SLC25A39: variants seen among roughly 807,000 people sequenced by gnomAD.
SLC25A39 encodes the protein solute carrier family 25 member 39.
A neutral mutation model predicts 46.6 loss-of-function variants in SLC25A39; 44 were observed. The observed-to-expected ratio is 0.94, with a 90% CI of 0.74 to 1.21. The LOEUF is 1.21. Among genes scored for constraint, SLC25A39 ranks in the 50% most tolerant of loss-of-function variants. SLC25A39 has a pLI of 0.00. For missense variants in SLC25A39, 487 were observed against 473.0 expected (o/e 1.03, Z -0.28); for synonymous variants, 218 against 190.6 (o/e 1.14, Z -1.19).
chr17:44,322,047 G>A (rs538351378), intron 5 of SLC25A39, among the ~76,000 whole-genome samples: 2 of 152,292 alleles, frequency 1.3e-5, no homozygotes, highest in East Asian at 1.9e-4. Flanking sequence ...GCAGGAGTTC[G>A]AGACCAGCCT....
Position 44,322,539 on chromosome 17 carries a change from G to C in SLC25A39, c.204C>G (p.Leu68=), listed in dbSNP as rs774243713. ...ACAGGAGGCACTTCCCTGTGGATTG[G>C]AGAGAGGAGGGCACTGGGGAAAGGC... The part of the protein sequence containing the change: ...SLSYTKLPSS[L]QSTGKCLLYC... The change falls in exon 5 of 12, where the codon CTC becomes CTG. Residue 68 remains leucine (L), a synonymous_variant. Transcript: ENST00000377095. The C allele has an allele frequency of 3.1e-6, 5 of 1,614,136 alleles. No homozygotes were observed. In the South Asian group the frequency reaches 5.5e-5, roughly 18 times the overall value.
chr17:44,320,577 G>C (rs1330368936), intron 9 of SLC25A39, 45 bp downstream of exon 9: 2 of 1,588,210 alleles, frequency 1.3e-6, no homozygotes, highest in Admixed American at 3.3e-5. Flanking sequence ...CAGGCCCCCC[G>C]CAGGGAGACC....
Position 44,321,048 on chromosome 17 carries a change from G to T in SLC25A39, c.691+10C>A. 6.3e-7 allele frequency: 1 copy of T among 1,577,274 alleles called. No homozygotes were observed. On this transcript the variant is annotated intron_variant, in intron 8 of 11. Coordinates refer to ENST00000377095, the MANE Select transcript of SLC25A39 (RefSeq NM_001143780.3). ...TTCCCTCACCCACCCCCTGCAGCTT[G>T]GGTGCCTACCTGAGAAGGGCACATC...
chr17:44,323,444 C>CAA, intron 2 of SLC25A39, 34 bp downstream of exon 2: 49 of 1,246,076 alleles, frequency 3.9e-5, no homozygotes, highest in Non-Finnish European at 5.4e-5. Flanking sequence ...GCCCCATCCC[C>CAA]ACCCGCCCCC....
Position 44,319,958 on chromosome 17 carries a change from C to A in SLC25A39, c.*43G>T. 6.3e-7 allele frequency: 1 copy of A among 1,594,770 alleles called. No individual in the cohort carries two copies. The highest frequency in any genetic ancestry group is 8.6e-7 in the Non-Finnish European group (1 of 1,163,424). On this transcript the variant is annotated 3_prime_UTR_variant, in exon 12 of 12. Coordinates refer to ENST00000377095, the MANE Select transcript of SLC25A39 (RefSeq NM_001143780.3). ...TTGGCTGGGTCTCCTCCTGCCCTCT[C>A]CCCATCCGTGGGAGAGACGGGGTCC... is the stretch of plus-strand genomic sequence containing the variant.
chr17:44,321,741 G>T lies in SLC25A39; in HGVS notation c.351C>A (p.His117Gln). 6.2e-7 allele frequency: 1 copy of T among 1,612,546 alleles called. No homozygotes were observed. The highest frequency in any genetic ancestry group is 1.7e-5 in the Admixed American group (1 of 59,920). ...CGCTCCAGAGGGTCCTGGTGCCCTC[G>T]TGCCTCACGATCTTCACGAAGGCAT... ...TMDAFVKIVR[H>Q]EGTRTLWSGL... is the part of the protein sequence containing the mutation. Residue 117 changes from histidine to glutamine, a missense_variant, in exon 6 of 12, where the codon CAC becomes CAA. His to Gln is a conservative substitution (Grantham distance 24). Coordinates refer to ENST00000377095, the MANE Select transcript of SLC25A39 (RefSeq NM_001143780.3).
At position 44,321,126 on chromosome 17, in the gene SLC25A39, GC is replaced by G; in HGVS notation, c.622del (p.Ala208LeufsTer33). The G allele has an allele frequency of 6.2e-7, 1 of 1,612,934 alleles. No homozygotes were observed. Among genetic ancestry groups the G allele is most frequent in the East Asian group, 2.2e-5 (1 of 44,882 alleles). On this transcript the variant is annotated frameshift_variant, in exon 8 of 12. Coordinates refer to ENST00000377095, the MANE Select transcript of SLC25A39 (RefSeq NM_001143780.3). LOFTEE classifies it high-confidence loss of function. ...ELGACVRTAV[A>X]QGGWRSLWLG... The stretch of plus-strand genomic sequence containing the variant: ...CCACAGTGAGCGCCAGCCACCCTGA[GC>G]CACTGCAGTTCGAACACAGGCACCC...
intron 7 of SLC25A39, 75 bp from the exon 8 acceptor site, chr17:44,321,306 C>A (rs1194318073): frequency 3.2e-6 from 5 of 1,578,226 alleles, no homozygotes; most frequent in Non-Finnish European, 4.3e-6. Context: ...ACCTGCTGTC[C>A]CAGGTCTGGG....
rs371679927 is a variant in SLC25A39 at position 44,320,194 on chromosome 17, A to G, written c.964+2T>C. On this transcript the variant is annotated splice_donor_variant, in intron 11 of 11. Coordinates refer to ENST00000377095, the MANE Select transcript of SLC25A39 (RefSeq NM_001143780.3). LOFTEE classifies it high-confidence loss of function. ...CCCCACCCCCGACACCCACACACTG[A>G]CCTGCAAAGAGTCCCTTGGTGCCCG... is the stretch of plus-strand genomic sequence containing the variant. 3 of 1,613,840 alleles carry G rather than the reference A, an allele frequency of 1.9e-6. No homozygotes were observed. The highest frequency in any genetic ancestry group is 2.2e-5 in the East Asian group (1 of 44,878).
At position 44,323,503 on chromosome 17, in the gene SLC25A39, G is replaced by A. The variant is rs374631808; in HGVS notation, c.60C>T (p.Thr20=). ...SPLQQMVASG[T]GAVVTSLFMT... ...TGAAGAGAGAGGTAACCACAGCCCC[G>A]GTGCCTGAGGCCACCATTTGCTGGA... Residue 20 remains threonine (T), a synonymous_variant, in exon 2 of 12, where the codon ACC becomes ACT. Transcript: ENST00000377095. 52 of 1,299,612 alleles carry A rather than the reference G, an allele frequency of 4.0e-5. No individual in the cohort carries two copies. Among genetic ancestry groups the A allele is most frequent in the South Asian group, 3.5e-4 (29 of 82,450 alleles). 80.5% of individuals were successfully genotyped at this position (1,299,612 alleles called of 1,614,324 possible).
intron 2 of SLC25A39, 39 bp downstream of exon 2, chr17:44,323,439 A>AGCCCCCCCCCCCCCCCCCCCCC: frequency 3.9e-6 from 1 of 257,086 alleles, no homozygotes; most frequent in Non-Finnish European, 5.7e-6. Flanking sequence ...GGTCTGCCCC[A>AGCCCCCCCCCCCCCCCCCCCCC]TCCCCACCCG....
rs141059507 is a variant in SLC25A39, at chr17:44,321,509, G to T, written c.442C>A (p.Leu148Met). ...GCTCGACCACACAGGAAGGCCTTCAGTTGGTCATAGGCAGTGAAGTAGATG... is the reference window on the plus strand; with the variant it reads ...GCTCGACCACACAGGAAGGCCTTCATTTGGTCATAGGCAGTGAAGTAGATG... Reference protein sequence around the residue: ...TAIYFTAYDQLKAFLCGRALT... With the variant: ...TAIYFTAYDQMKAFLCGRALT... Residue 148 changes from leucine (L) to methionine (M), a missense_variant, in exon 7 of 12, where the codon CTG becomes ATG. Coordinates refer to ENST00000377095, the MANE Select transcript of SLC25A39 (RefSeq NM_001143780.3). The T allele has an allele frequency of 5.5e-5, 88 of 1,614,130 alleles. No homozygotes were observed. Among genetic ancestry groups the T allele is most frequent in the Non-Finnish European group, 6.2e-5 (73 of 1,180,002 alleles).
chr17:44,322,635 G>C, intron 4 of SLC25A39, 83 bp from the exon 5 acceptor site: 1 of 1,572,176 alleles, frequency 6.4e-7, no homozygotes, highest in Non-Finnish European at 8.6e-7. Context: ...TGGAAGGCCA[G>C]TAAAGGCCAG....
At position 44,323,303 on chromosome 17, in the gene SLC25A39, C is replaced by T. The variant is rs1310181875; in HGVS notation, c.126G>A (p.Gln42=). The change falls in exon 3 of 12, where the codon CAG becomes CAA. Residue 42 remains glutamine (Q), a synonymous_variant. Coordinates refer to ENST00000377095, the MANE Select transcript of SLC25A39 (RefSeq NM_001143780.3). ...LDVVKVRLQS[Q]RPSMASELMP... ...ACTCACCGCTGGCCATGGAGGGCCGCTGAGACTGCAGGCGAACCTTCACCA... is the reference window on the plus strand; with the variant it reads ...ACTCACCGCTGGCCATGGAGGGCCGTTGAGACTGCAGGCGAACCTTCACCA... 1 of 1,613,690 alleles carries T rather than the reference C, an allele frequency of 6.2e-7. No homozygotes were observed.
chr17:44,323,606 A>C, intron 1 of SLC25A39, 29 bp from the exon 2 acceptor site: 1 of 1,472,378 alleles, frequency 6.8e-7, no homozygotes, highest in Non-Finnish European at 9.2e-7. Flanking sequence ...ACAGACCACA[A>C]CTCCAGGGAT....
In SLC25A39 at chr17:44,323,580, GA is replaced by G; in HGVS notation, c.-15-4del. ...TCAGCCATCTTGAAGCTTCAGTCCT[GA>G]AAACCAAACCTCAAACAGACCACAA... On this transcript the variant is annotated splice_polypyrimidine_tract_variant and splice_region_variant and intron_variant, in intron 1 of 11. Coordinates refer to ENST00000377095, the MANE Select transcript of SLC25A39 (RefSeq NM_001143780.3). The G allele has an allele frequency of 1.5e-5, 23 of 1,557,090 alleles. No homozygotes were observed. Among genetic ancestry groups the G allele is most frequent in the Non-Finnish European group, 2.0e-5 (23 of 1,150,298 alleles).
intron 5 of SLC25A39, 113 bp from the exon 6 acceptor site, chr17:44,321,880 T>G (rs1336065099): frequency 2.9e-5 from 31 of 1,083,690 alleles, no homozygotes; most frequent in Non-Finnish European, 4.0e-5. Flanking sequence ...CCCACAGCCC[T>G]CAGGCCTCCC....
At position 44,319,986 on chromosome 17, in the gene SLC25A39, G is replaced by A; in HGVS notation, c.*15C>T. 6.2e-7 allele frequency: 1 copy of A among 1,612,634 alleles called. No individual in the cohort carries two copies. Among genetic ancestry groups the A allele is most frequent in the Non-Finnish European group, 8.5e-7 (1 of 1,179,010 alleles). ...CATCCGTGGGAGAGACGGGGTCCTT[G>A]CCTCCTTGCCCCTTTCAGCCGCCCA... is the stretch of plus-strand genomic sequence containing the variant. On this transcript the variant is annotated 3_prime_UTR_variant, in exon 12 of 12. Transcript: ENST00000377095.
At chr17:44,323,643 G>A in intron 1 of SLC25A39, 66 bp from the exon 2 acceptor site, 2 of 1,208,304 alleles carry the variant, frequency 1.7e-6, no homozygotes, top group Non-Finnish European at 2.3e-6. Flanking sequence ...GGGCCACTGT[G>A]AGACTTTTGT....
Sources: gnomAD v4.1 joint callset for allele counts (sites outside exome capture counted in the v4.1 genomes callset) on GRCh38, gnomAD v4.1.1 for gene constraint, MANE v1.5 for transcripts, NCBI Gene and HGNC (gene_info 2026-07-23, HGNC 2026-07-21) for gene names.